TACC2: variants seen among roughly 807,000 people sequenced by gnomAD.
The protein encoded by TACC2 is transforming acidic coiled-coil-containing protein 2.
A neutral mutation model predicts 227.3 loss-of-function variants in TACC2; 137 were observed. The observed-to-expected ratio is 0.60, with a 90% confidence interval of 0.52 to 0.69. The LOEUF is 0.69. TACC2 is among the 30% of genes least tolerant of loss of function. The pLI, the probability that TACC2 is intolerant of heterozygous loss-of-function variation, is 0.00. For missense variants in TACC2, 3,470 were observed against 3,694.4 expected, an observed-to-expected ratio of 0.94 and a Z score of 1.57; for synonymous variants, 1,523 against 1,487.5, an observed-to-expected ratio of 1.02 and a Z score of -0.55.
In TACC2 at chr10:122,050,449, A is replaced by G. The variant is rs2075546785; in HGVS notation, c.45A>G (p.Ser15=). 4.3e-6 allele frequency: 7 copies of G among 1,613,726 alleles called. No individual in the cohort carries two copies. The highest frequency in any genetic ancestry group is 5.9e-6 in the Non-Finnish European group (7 of 1,179,802). The change falls in exon 3 of 23, where the codon TCA becomes TCG. Residue 15 remains serine, a synonymous_variant. Transcript: ENST00000369005. This position sits in a 1 kb window ranked among gnomAD's most constrained non-coding sequence, Gnocchi z 4.6. ...TTCTCCTGGCTCAGAGGACTTTATC[A>G]GCTCAGACTCCAAGGTCCGCGCAGC... ...NSTSDNQRTL[S]AQTPRSAQPP...
intron 2 of TACC2, among the ~76,000 whole-genome samples, chr10:122,029,332 C>T (rs987212420): frequency 3.3e-5 from 5 of 152,022 alleles, no homozygotes; most frequent in Non-Finnish European, 5.9e-5. Flanking sequence ...TATTGAACTA[C>T]ACTGATTGAT....
chr10:122,166,941 C>T (rs2093201774), intron 7 of TACC2, among the ~76,000 whole-genome samples: 1 of 152,228 alleles, frequency 6.6e-6, no homozygotes, highest in South Asian at 2.1e-4. Context: ...TAAATGTGGG[C>T]TGCAGCTATT....
At chr10:122,040,757 A>G (rs78020435) in intron 2 of TACC2, among the ~76,000 whole-genome samples, 5,540 of 152,340 alleles carry the variant, frequency 0.036, 129 homozygotes, top group South Asian at 0.053. Context: ...CCCAAAAAAC[A>G]TAATTTTCAA....
rs755236951 is a variant in TACC2, at chr10:122,253,987, G to T, written c.8782-4G>T. 6.2e-6 allele frequency: 10 copies of T among 1,613,648 alleles called. No individual in the cohort carries two copies. The highest frequency in any genetic ancestry group is 7.6e-6 in the Non-Finnish European group (9 of 1,179,602). ...AGCAACTTCTTCCTTGTCTTCACTT[G>T]CAGAATAAAGAAATAGAAGAACTCA... On this transcript the variant is annotated splice_polypyrimidine_tract_variant and splice_region_variant and intron_variant, in intron 22 of 22. Transcript: ENST00000369005.
Position 122,205,340 on chromosome 10 carries a change from G to A in TACC2, c.5972-5057G>A, listed in dbSNP as rs2095065685. On this transcript the variant is annotated intron_variant, in intron 8 of 22. Transcript: ENST00000369005. This position sits in a 1 kb window ranked among gnomAD's most constrained non-coding sequence, Gnocchi z 4.5. The stretch of plus-strand genomic sequence containing the variant: ...GGCACGGGCCTCCTGCTCTCTTGCT[G>A]GTCGGTTTTGGGTTTGGTTTCTTGA... 1.3e-5 allele frequency among the ~76,000 whole-genome samples: 2 copies of A among 152,158 alleles called. No homozygotes were observed. The highest frequency in any genetic ancestry group is 1.3e-4 in the Admixed American group (2 of 15,282).
intron 15 of TACC2, among the ~76,000 whole-genome samples, 198 bp downstream of exon 15, chr10:122,229,684 C>T (rs1354613382): frequency 2.0e-5 from 3 of 152,152 alleles, no homozygotes; most frequent in Admixed American, 6.5e-5. Context: ...TGTGTGATTA[C>T]ATATTGAACA....
At chr10:122,174,941 C>A (rs1923449) in intron 7 of TACC2, among the ~76,000 whole-genome samples, 25,627 of 152,050 alleles carry the variant, frequency 0.17, 3,034 homozygotes, top group East Asian at 0.43. Context: ...CATGAAAAGG[C>A]GATCACTGTG....
Position 122,204,127 on chromosome 10 carries a change from C to T in TACC2, c.5972-6270C>T, listed in dbSNP as rs868475548. Among the ~76,000 whole-genome samples, 5 of 134,990 alleles carry T rather than the reference C, an allele frequency of 3.7e-5. 1 individual carries two copies. Among genetic ancestry groups the T allele is most frequent in the African/African-American group, 5.5e-5 (2 of 36,168 alleles). 88.6% of individuals were successfully genotyped at this position (134,990 alleles called of 152,430 possible). A position where few individuals can be genotyped will look rare whatever the true frequency, so the allele number is the denominator to read the frequency against. On this transcript the variant is annotated intron_variant, in intron 8 of 22. Coordinates refer to ENST00000369005, the MANE Select transcript of TACC2 (RefSeq NM_206862.4). ...GCAGCAGTACAGTCCAGCTTCGGCTCGGCATCAGAGGGAGACCTTGGAAAG... is the reference window on the plus strand; with the variant it reads ...GCAGCAGTACAGTCCAGCTTCGGCTTGGCATCAGAGGGAGACCTTGGAAAG...
intron 5 of TACC2, among the ~76,000 whole-genome samples, chr10:122,090,915 A>AT (rs34414170): frequency 1.3e-5 from 2 of 151,896 alleles, no homozygotes; most frequent in Non-Finnish European, 2.9e-5. Flanking sequence ...CTTATTTTTA[A>AT]TTTTTTGTAG....
In TACC2 at chr10:122,087,335, A is replaced by G; in HGVS notation, c.4835A>G (p.Glu1612Gly). The change falls in exon 4 of 23, where the codon GAA becomes GGA. Residue 1612 changes from glutamate (E) to glycine (G), a missense_variant. Physicochemically the swap from Glu to Gly is moderately conservative, Grantham distance 98 (BLOSUM62 -2). Around this residue, in one of 10 missense-constraint regions of TACC2, gnomAD observed 1,924 missense variants for 1,978.3 expected, o/e 0.97. Transcript: ENST00000369005. Reference protein sequence around the residue: ...ETSACDSPHGEDGPGDFAHTG... With the variant: ...ETSACDSPHGGDGPGDFAHTG... Reference sequence around the variant, plus strand: ...TCTGCCTGCGACAGTCCACATGGAGAAGATGGTCCCGGGGACTTTGCTCAC... The same window carrying G: ...TCTGCCTGCGACAGTCCACATGGAGGAGATGGTCCCGGGGACTTTGCTCAC... The G allele has an allele frequency of 6.2e-7, 1 of 1,614,054 alleles. No homozygotes were observed. The highest frequency in any genetic ancestry group is 8.5e-7 in the Non-Finnish European group (1 of 1,180,036).
At chr10:122,168,191 C>A (rs1280811392) in intron 7 of TACC2, among the ~76,000 whole-genome samples, 3 of 151,978 alleles carry the variant, frequency 2.0e-5, no homozygotes, top group Non-Finnish European at 4.4e-5. Context: ...AGGCATGAGC[C>A]AGCGCACCCA....
At chr10:122,043,204 T>C (rs1429473158) in intron 2 of TACC2, among the ~76,000 whole-genome samples, 2 of 152,182 alleles carry the variant, frequency 1.3e-5, no homozygotes, top group East Asian at 1.9e-4. Flanking sequence ...GTCATCAACA[T>C]TGGGTATGTT....
At chr10:122,230,205 A>C (rs2095709544) in intron 15 of TACC2, 146 bp from the exon 16 acceptor site, 1 of 701,012 alleles carries the variant, frequency 1.4e-6, no homozygotes, top group Non-Finnish European at 2.6e-6. Flanking sequence ...CTGAGGTGCT[A>C]ATTGTGAGAG....
intron 7 of TACC2, among the ~76,000 whole-genome samples, chr10:122,151,809 G>T (rs1286118195): frequency 1.3e-5 from 2 of 152,192 alleles, no homozygotes; most frequent in African/African-American, 4.8e-5. Flanking sequence ...TTTGTGCCTT[G>T]CATTCATCCA....
At chr10:122,225,334 G>A (rs1462429737) in intron 12 of TACC2, among the ~76,000 whole-genome samples, 2 of 152,218 alleles carry the variant, frequency 1.3e-5, no homozygotes, top group African/African-American at 2.4e-5. Context: ...ACAGCACTAC[G>A]TGGCCCTGGA....
At chr10:122,118,428 GTC>G (rs1491500647) in intron 5 of TACC2, among the ~76,000 whole-genome samples, 1 of 152,146 alleles carries the variant, frequency 6.6e-6, no homozygotes, top group African/African-American at 2.4e-5. Context: ...GTGTGCCAAG[GTC>G]TCTCTCTGAC....
At chr10:122,139,645 A>G (rs1374746930) in intron 6 of TACC2, among the ~76,000 whole-genome samples, 1 of 152,228 alleles carries the variant, frequency 6.6e-6, no homozygotes, top group Non-Finnish European at 1.5e-5. Context: ...CACCTTCAGC[A>G]TGACCTGAGT....
At chr10:122,040,324 A>G (rs921643722) in intron 2 of TACC2, among the ~76,000 whole-genome samples, 2 of 152,142 alleles carry the variant, frequency 1.3e-5, no homozygotes, top group Non-Finnish European at 2.9e-5. Context: ...TCTCTGGGAA[A>G]GAGGTGGTGG....
intron 5 of TACC2, among the ~76,000 whole-genome samples, chr10:122,096,578 C>T (rs1167726959): frequency 3.3e-5 from 5 of 152,018 alleles, no homozygotes; most frequent in African/African-American, 1.2e-4. Context: ...TGCCTATAAT[C>T]CCAGCTACAC....
Sources: allele counts gnomAD v4.1 joint callset (sites outside exome capture counted in the v4.1 genomes callset), GRCh38; gene constraint gnomAD v4.1.1; regional missense constraint gnomAD v4.1.1; non-coding constraint Gnocchi (gnomAD v3.1); transcripts MANE v1.5; gene names NCBI Gene and HGNC (gene_info 2026-07-23, HGNC 2026-07-21).